Variants in CFAP92 observed in about 807,000 individuals in gnomAD.
CFAP92 encodes the protein cilia and flagella associated protein 92 (putative).
CFAP92 carries 86 observed loss-of-function variants against 106.3 expected under a neutral mutation model. The observed-to-expected ratio is 0.81, with a 90% confidence interval of 0.68 to 0.97. The LOEUF is 0.97. Ranked by LOEUF, CFAP92 falls within the 50% of genes least tolerant of loss-of-function variation. The pLI, the probability that CFAP92 is intolerant of heterozygous loss-of-function variation, is 0.00. For missense variants in CFAP92, 1,204 were observed against 1,283.8 expected, an observed-to-expected ratio of 0.94 and a Z score of 0.95; for synonymous variants, 477 against 506.4, an observed-to-expected ratio of 0.94 and a Z score of 0.78.
At chr3:128,976,935 G>T in intron 6 of CFAP92, 44 bp downstream of exon 6, 1 of 1,468,860 alleles carries the variant, frequency 6.8e-7, no homozygotes, top group South Asian at 1.1e-5. Context: ...GCTAGTACAA[G>T]AGGGGCTCCA....
chr3:128,919,719 C>T (rs1937112559), intron 12 of CFAP92, among the ~76,000 whole-genome samples: 1 of 152,136 alleles, frequency 6.6e-6, no homozygotes, highest in Non-Finnish European at 1.5e-5. Flanking sequence ...AGAACATAAG[C>T]AGAAAAAGAA....
chr3:128,971,299 G>A lies in CFAP92; in HGVS notation c.1156C>T (p.Pro386Ser). The A allele has an allele frequency of 1.2e-6, 2 of 1,613,596 alleles. No individual in the cohort carries two copies. The change falls in exon 8 of 16, where the codon CCG (proline) becomes TCG (serine). Residue 386 changes from proline to serine, a missense_variant. Coordinates refer to ENST00000645291, the MANE Select transcript of CFAP92 (RefSeq NM_001394090.1). Reference protein sequence around the residue: ...SAFSIQLAVMPLLAGWQTVVS... With the variant: ...SAFSIQLAVMSLLAGWQTVVS... ...AAGCAGTGGGTACCGGCAAGGAGCG[G>A]CATGACGGCCAGCTGGATGGAGAAA...
chr3:128,918,286 A>G (rs1045652451), intron 12 of CFAP92, among the ~76,000 whole-genome samples: 4 of 152,152 alleles, frequency 2.6e-5, no homozygotes, highest in Non-Finnish European at 5.9e-5. Flanking sequence ...CTTGGCCAAC[A>G]TACAGTGAAA....
rs554056938 is a variant in CFAP92, at chr3:128,915,137, C to T, written c.3262G>A (p.Ala1088Thr). The T allele has an allele frequency of 1.6e-5, 25 of 1,535,922 alleles. No individual in the cohort carries two copies. Among genetic ancestry groups the T allele is most frequent in the African/African-American group, 2.7e-5 (2 of 73,150 alleles). The change falls in exon 15 of 16, where the codon GCA (alanine) becomes ACA (threonine). Residue 1088 changes from alanine to threonine, a missense_variant. Transcript: ENST00000645291. The stretch of plus-strand genomic sequence containing the variant: ...CTGTTACCTGTTACAGGCTTTGGTG[C>T]GGGCGAAGGGAGCAGCTCGAGGAAA... ...PPFLELLPSP[A>T]PKPVTVRKKK... is the part of the protein sequence containing the mutation.
At chr3:128,914,019 C>T (rs966775736) in intron 15 of CFAP92, among the ~76,000 whole-genome samples, 3 of 152,160 alleles carry the variant, frequency 2.0e-5, no homozygotes, top group Non-Finnish European at 4.4e-5. Flanking sequence ...TCCATTCATC[C>T]ATCTGGGTTG....
the CFAP92 span, among the ~76,000 whole-genome samples, chr3:129,023,103 A>G: frequency 6.6e-6 from 1 of 152,226 alleles, no homozygotes; most frequent in Non-Finnish European, 1.5e-5. Context: ...AACTTTAGAC[A>G]TATTAAATTT....
At chr3:128,984,051 G>A (rs753394234) in intron 4 of CFAP92, among the ~76,000 whole-genome samples, 24 of 152,294 alleles carry the variant, frequency 1.6e-4, no homozygotes, top group Non-Finnish European at 2.4e-4. Flanking sequence ...AACAACAGGC[G>A]GGGGACACCC....
At chr3:128,991,008 G>A (rs1346445340) in intron 2 of CFAP92, among the ~76,000 whole-genome samples, 1 of 152,152 alleles carries the variant, frequency 6.6e-6, no homozygotes, top group Admixed American at 6.6e-5. Context: ...AGAGCCGAAG[G>A]TATGTCATTT....
intron 9 of CFAP92, among the ~76,000 whole-genome samples, chr3:128,949,525 T>G (rs2107735912): frequency 6.6e-6 from 1 of 152,322 alleles, no homozygotes; most frequent in South Asian, 2.1e-4. Context: ...TTACATGACA[T>G]TCTTCCAGAG....
At chr3:128,958,249 A>C (rs1181581788) in intron 9 of CFAP92, among the ~76,000 whole-genome samples, 1 of 152,246 alleles carries the variant, frequency 6.6e-6, no homozygotes, top group Non-Finnish European at 1.5e-5. Context: ...TCAAATTGAC[A>C]AAAGTATAGA....
At chr3:128,948,074 T>C (rs756614042) in intron 9 of CFAP92, among the ~76,000 whole-genome samples, 5 of 152,102 alleles carry the variant, frequency 3.3e-5, no homozygotes, top group South Asian at 2.1e-4. Context: ...TTGTCACAGA[T>C]TGGGTTAAAA....
intron 15 of CFAP92, chr3:128,912,765 C>G (rs1157066530): frequency 6.4e-6 from 5 of 776,730 alleles, no homozygotes; most frequent in Non-Finnish European, 1.2e-5. Context: ...GGGAGAGCCT[C>G]TTCCAGGTTT....
the CFAP92 span, among the ~76,000 whole-genome samples, chr3:129,021,287 A>C: frequency 6.6e-6 from 1 of 152,200 alleles, no homozygotes; most frequent in Non-Finnish European, 1.5e-5. Context: ...ACAAGGTTTT[A>C]ATATACAAAG....
At chr3:128,992,917 C>G in intron 2 of CFAP92, 126 bp downstream of exon 2, 1 of 1,149,986 alleles carries the variant, frequency 8.7e-7, no homozygotes, top group Non-Finnish European at 1.3e-6. Flanking sequence ...CTGGCTGGCA[C>G]TGGCCAGCCC....
chr3:129,004,142 G>C (rs970388865), upstream of CFAP92: 1 of 1,391,096 alleles, frequency 7.2e-7, no homozygotes, highest in Non-Finnish European at 9.3e-7. Context: ...CCAAACTTCG[G>C]GTGTGCAATC....
intron 10 of CFAP92, among the ~76,000 whole-genome samples, chr3:128,937,137 C>G (rs1368750619): frequency 6.6e-6 from 1 of 151,414 alleles, no homozygotes; most frequent in Non-Finnish European, 1.5e-5. Context: ...CCCATCTCTA[C>G]AAAAAATACA....
chr3:128,963,707 G>A (rs1350266097), intron 9 of CFAP92, among the ~76,000 whole-genome samples: 1 of 149,890 alleles, frequency 6.7e-6, no homozygotes, highest in Non-Finnish European at 1.5e-5. Context: ...CCACACACCA[G>A]CAAAGGCAGG....
chr3:128,937,329 A>C (rs1379087744), intron 10 of CFAP92, among the ~76,000 whole-genome samples: 1 of 151,186 alleles, frequency 6.6e-6, no homozygotes, highest in African/African-American at 2.4e-5. Flanking sequence ...AAAAAAAAAA[A>C]AAACCACGCG....
At chr3:128,922,599 G>A (rs1017392177) in intron 12 of CFAP92, among the ~76,000 whole-genome samples, 1 of 152,176 alleles carries the variant, frequency 6.6e-6, no homozygotes. Context: ...TGAAGCTGAT[G>A]TCTCTATTAT....
Sources: gnomAD v4.1 joint callset for allele counts (sites outside exome capture counted in the v4.1 genomes callset) on GRCh38, gnomAD v4.1.1 for gene constraint, MANE v1.5 for transcripts, NCBI Gene and HGNC (gene_info 2026-07-23, HGNC 2026-07-21) for gene names.